Variants in SLC30A8 observed in about 807,000 individuals in gnomAD.
SLC30A8 encodes solute carrier family 30 member 8.
A neutral mutation model predicts 36.9 loss-of-function variants in SLC30A8; 27 were observed. The observed-to-expected ratio is 0.73, with a 90% CI of 0.54 to 1.01. SLC30A8 has a LOEUF of 1.01. SLC30A8 is among the 50% of genes least tolerant of loss of function. The probability of loss-of-function intolerance (pLI) is 0.00; values close to 1 mark genes in which losing one functional copy is unlikely to be tolerated. For synonymous variants in SLC30A8, 164 were observed against 172.4 expected (o/e 0.95, Z 0.38); for missense variants, 439 against 452.0 (o/e 0.97, Z 0.26).
chr8:117,061,269 T>C (rs540214270), intron 2 of SLC30A8, among the ~76,000 whole-genome samples: 2 of 152,216 alleles, frequency 1.3e-5, no homozygotes, highest in African/African-American at 2.4e-5. Context: ...CCCATTTGCA[T>C]GCATTTGGTG....
intron 2 of SLC30A8, among the ~76,000 whole-genome samples, chr8:117,086,807 A>C (rs1169695113): frequency 6.6e-6 from 1 of 152,232 alleles, no homozygotes; most frequent in East Asian, 1.9e-4. Context: ...GCTGGAAAGT[A>C]CACTCTACTC....
chr8:117,024,723 G>T (rs978598305), intron 1 of SLC30A8, among the ~76,000 whole-genome samples: 1 of 152,176 alleles, frequency 6.6e-6, no homozygotes, highest in African/African-American at 2.4e-5. Flanking sequence ...ATAAACAAAG[G>T]TGCAGAGCAA....
intron 1 of SLC30A8, among the ~76,000 whole-genome samples, chr8:116,989,149 G>A (rs1030302596): frequency 6.6e-6 from 1 of 152,158 alleles, no homozygotes; most frequent in Non-Finnish European, 1.5e-5. Flanking sequence ...AAAGATGCTG[G>A]CAACTTTGAA....
intron 2 of SLC30A8, among the ~76,000 whole-genome samples, chr8:117,045,257 G>A (rs1045491248): frequency 6.6e-6 from 1 of 152,138 alleles, no homozygotes; most frequent in Non-Finnish European, 1.5e-5. Context: ...CTGGATGGAG[G>A]AAATGCTGAG....
chr8:117,088,789 A>C (rs1454057610), intron 2 of SLC30A8, among the ~76,000 whole-genome samples: 1 of 152,212 alleles, frequency 6.6e-6, no homozygotes, highest in Non-Finnish European at 1.5e-5. Context: ...GATACTGTTG[A>C]GTCCAGATGT....
At chr8:117,159,240 AG>A (rs1225299732) in intron 4 of SLC30A8, among the ~76,000 whole-genome samples, 1 of 152,252 alleles carries the variant, frequency 6.6e-6, no homozygotes, top group East Asian at 1.9e-4. Flanking sequence ...CAGAAGCAAT[AG>A]GAAACTCAGC....
chr8:117,102,692 C>T (rs1298861428), intron 2 of SLC30A8, among the ~76,000 whole-genome samples: 1 of 152,144 alleles, frequency 6.6e-6, no homozygotes, highest in South Asian at 2.1e-4. Context: ...GCAGCATAAT[C>T]CCAATTTCTT....
intron 2 of SLC30A8, among the ~76,000 whole-genome samples, chr8:117,063,459 C>G (rs1338915890): frequency 1.3e-5 from 2 of 152,112 alleles, no homozygotes; most frequent in African/African-American, 4.8e-5. Flanking sequence ...ATAAATCAGG[C>G]CATTTTTTTT....
intron 2 of SLC30A8, among the ~76,000 whole-genome samples, chr8:117,072,340 A>G (rs993216246): frequency 1.3e-5 from 2 of 152,210 alleles, no homozygotes; most frequent in Non-Finnish European, 2.9e-5. Context: ...TAAAAGATAT[A>G]TGTTAGTTGT....
intron 2 of SLC30A8, among the ~76,000 whole-genome samples, chr8:117,090,195 C>T (rs1434724703): frequency 5.3e-5 from 8 of 152,144 alleles, no homozygotes; most frequent in African/African-American, 1.9e-4. Context: ...AACTCCTGAC[C>T]TTGTGATCTG....
rs1823462569 is a variant in SLC30A8 at position 117,172,886 on chromosome 8, T to C, written c.*205T>C. Reference sequence around the variant, plus strand: ...ATCAATTGGATTATATACTGATCAGTAGCTGTGTTCAATTGCAGGAATGTG... The same window carrying C: ...ATCAATTGGATTATATACTGATCAGCAGCTGTGTTCAATTGCAGGAATGTG... On this transcript the variant is annotated 3_prime_UTR_variant, in exon 8 of 8. Transcript: ENST00000456015. 5.2e-6 allele frequency: 3 copies of C among 572,926 alleles called. No individual in the cohort carries two copies. Among genetic ancestry groups the C allele is most frequent in the East Asian group, 3.1e-5 (1 of 32,546 alleles). 35.5% of individuals were successfully genotyped at this position (572,926 alleles called of 1,614,324 possible). A position where few individuals can be genotyped will look rare whatever the true frequency, so the allele number is the denominator to read the frequency against.
At chr8:116,981,079 C>T (rs1213558135) in intron 1 of SLC30A8, among the ~76,000 whole-genome samples, 3 of 152,192 alleles carry the variant, frequency 2.0e-5, no homozygotes, top group East Asian at 3.8e-4. Flanking sequence ...GATGTCTTGG[C>T]CATCGGCTGG....
At chr8:117,080,852 A>C (rs1054748983) in intron 2 of SLC30A8, among the ~76,000 whole-genome samples, 2 of 152,088 alleles carry the variant, frequency 1.3e-5, no homozygotes, top group African/African-American at 4.8e-5. Context: ...GTTTATACTT[A>C]GTAGTGGGAT....
chr8:117,005,044 T>G (rs1334249700), intron 1 of SLC30A8, among the ~76,000 whole-genome samples: 1 of 152,158 alleles, frequency 6.6e-6, no homozygotes, highest in Non-Finnish European at 1.5e-5. Context: ...AAATGGGCAA[T>G]TCAGTGGTTT....
At chr8:116,998,123 A>C (rs868364142) in intron 1 of SLC30A8, among the ~76,000 whole-genome samples, 1 of 152,250 alleles carries the variant, frequency 6.6e-6, no homozygotes, top group African/African-American at 2.4e-5. Context: ...CTTCAAGGTG[A>C]TGTAGTAGAC....
intron 2 of SLC30A8, among the ~76,000 whole-genome samples, chr8:117,096,882 A>C (rs1819386968): frequency 6.6e-6 from 1 of 152,058 alleles, no homozygotes; most frequent in Non-Finnish European, 1.5e-5. Context: ...ACTCACACAC[A>C]AAATCATGGA....
At chr8:117,148,330 T>TA (rs1265314986) in intron 2 of SLC30A8, among the ~76,000 whole-genome samples, 1 of 152,104 alleles carries the variant, frequency 6.6e-6, no homozygotes, top group Non-Finnish European at 1.5e-5. Flanking sequence ...ATTTAGGAAA[T>TA]AATTATTTTC....
At chr8:117,158,856 A>G (rs1822636633) in intron 4 of SLC30A8, among the ~76,000 whole-genome samples, 1 of 152,216 alleles carries the variant, frequency 6.6e-6, no homozygotes, top group Non-Finnish European at 1.5e-5. Flanking sequence ...AAAAAGCTTT[A>G]AACATCCTAA....
Position 117,163,221 on chromosome 8 carries a change from T to C in SLC30A8, c.724-204T>C, listed in dbSNP as rs537285174. Among the ~76,000 whole-genome samples the C allele has an allele frequency of 1.4e-4, 22 of 152,340 alleles. No homozygotes were observed. In the East Asian group the frequency reaches 4.0e-3, roughly 28 times the overall value. ...AGAGCATGACTTGTAGTCTCACTTC[T>C]TTATTTGCTGGTAGTTTAAAGCTGA... On this transcript the variant is annotated intron_variant, in intron 5 of 7. Coordinates refer to ENST00000456015, the MANE Select transcript of SLC30A8 (RefSeq NM_173851.3).
Sources: gnomAD v4.1 joint callset for allele counts (sites outside exome capture counted in the v4.1 genomes callset) on GRCh38, gnomAD v4.1.1 for gene constraint, MANE v1.5 for transcripts, NCBI Gene and HGNC (gene_info 2026-07-23, HGNC 2026-07-21) for gene names.